The following ANO1 variants were observed in gnomAD, a reference collection of about 807,000 sequenced individuals.
ANO1 encodes the protein anoctamin 1, also known as anoctamin-1.
In ANO1, 59 loss-of-function variants were observed where a neutral mutation model predicts 124.0. The observed-to-expected ratio is 0.48, with a 90% confidence interval of 0.39 to 0.59. The LOEUF (loss-of-function observed/expected upper bound fraction) is 0.59, where lower values mean the gene tolerates loss of function less well. Among genes scored for constraint, ANO1 ranks in the 20% least tolerant of loss-of-function variants. The pLI, the probability that ANO1 is intolerant of heterozygous loss-of-function variation, is 0.00. For synonymous variants in ANO1, 529 were observed against 532.0 expected, an observed-to-expected ratio of 0.99 and a Z score of 0.08; for missense variants, 1,059 against 1,328.0, an observed-to-expected ratio of 0.80 and a Z score of 3.15.
the ANO1 span, among the ~76,000 whole-genome samples, chr11:69,967,826 CAG>C: frequency 6.6e-6 from 1 of 152,224 alleles, no homozygotes; most frequent in Non-Finnish European, 1.5e-5. Flanking sequence ...GCTGAGAATT[CAG>C]AGTCCTAGCC....
chr11:70,013,637 A>T (rs1271335989), intron 1 of ANO1, among the ~76,000 whole-genome samples: 11 of 150,444 alleles, frequency 7.3e-5, no homozygotes, highest in African/African-American at 2.5e-4. Flanking sequence ...AAAACAAAAC[A>T]AAACAAAACA....
Position 70,188,858 on chromosome 11 carries a change from G to C in ANO1, c.*854G>C, listed in dbSNP as rs1414600575. On this transcript the variant is annotated 3_prime_UTR_variant, in exon 26 of 26. Transcript: ENST00000355303. ...TCAAGAAGTCTTAGGGCTTCCAGGG[G>C]TCCCCTGGAAGCTTTAGAATATTTA... 7.0e-6 allele frequency: 1 copy of C among 142,096 alleles called. No individual in the cohort carries two copies. Among genetic ancestry groups the C allele is most frequent in the African/African-American group, 2.6e-5 (1 of 38,164 alleles). The allele number at this position is 142,096 out of a possible 1,614,324, so 8.8% of individuals were successfully genotyped here.
At chr11:70,129,101 G>A (rs907315365) in intron 10 of ANO1, among the ~76,000 whole-genome samples, 2 of 152,200 alleles carry the variant, frequency 1.3e-5, no homozygotes, top group East Asian at 1.9e-4. Context: ...CCCCCAAAAC[G>A]CTGCTTTCTT....
At chr11:70,017,690 T>C (rs1591037038) in intron 1 of ANO1, among the ~76,000 whole-genome samples, 1 of 152,020 alleles carries the variant, frequency 6.6e-6, no homozygotes, top group Middle Eastern at 3.4e-3. Context: ...AATTTTTAAA[T>C]TATTTTTGTG....
chr11:70,059,351 A>G (rs1201738298), intron 1 of ANO1, among the ~76,000 whole-genome samples: 2 of 150,692 alleles, frequency 1.3e-5, no homozygotes, highest in Non-Finnish European at 3.0e-5. Flanking sequence ...ACACTGTCAA[A>G]AAAAAAAAAA....
At chr11:69,991,719 G>T (rs572736165) in intron 1 of ANO1, among the ~76,000 whole-genome samples, 114 of 152,348 alleles carry the variant, frequency 7.5e-4, no homozygotes, top group African/African-American at 2.6e-3. Context: ...TACCAGAAAT[G>T]AGGGATACAG....
intron 16 of ANO1, among the ~76,000 whole-genome samples, chr11:70,157,637 A>G (rs2047872002): frequency 6.6e-6 from 1 of 152,228 alleles, no homozygotes; most frequent in South Asian, 2.1e-4. Flanking sequence ...TTGAGTATCT[A>G]GTAATTCAAG....
intron 1 of ANO1, among the ~76,000 whole-genome samples, chr11:70,040,660 G>C (rs373301837): frequency 2.0e-4 from 31 of 152,294 alleles, no homozygotes; most frequent in African/African-American, 7.2e-4. Context: ...GGGTGACAGA[G>C]CGAGACTCTG....
rs1194519844 is a variant in ANO1, at chr11:70,006,641, CTTCT to C, written c.58+20489_58+20492del. On this transcript the variant is annotated intron_variant, in intron 1 of 27. Coordinates refer to the ANO1 transcript ENST00000531349. The stretch of plus-strand genomic sequence containing the variant: ...TCTTTCTTTCTTCTTTCTTTTCTTT[CTTCT>C]TTCTTTCTTTCTTCTTTCTTTTTTT... Among the ~76,000 whole-genome samples the C allele has an allele frequency of 5.7e-3, 697 of 122,374 alleles. 5 individuals carry two copies. Among genetic ancestry groups the C allele is most frequent in the African/African-American group, 0.018 (590 of 33,228 alleles). The allele number at this position is 122,374 out of a possible 152,430, so 80.3% of individuals were successfully genotyped here.
intron 24 of ANO1, among the ~76,000 whole-genome samples, chr11:70,183,079 A>G (rs943025352): frequency 6.6e-6 from 1 of 152,222 alleles, no homozygotes; most frequent in Non-Finnish European, 1.5e-5. Context: ...ACTGCACTCC[A>G]GCCTGGGCAA....
chr11:70,153,683 T>C (rs750949958), intron 14 of ANO1, among the ~76,000 whole-genome samples: 5 of 152,220 alleles, frequency 3.3e-5, no homozygotes. Context: ...TTTCCCCAAA[T>C]GTCTCATTCA....
rs1466745558 is a variant in ANO1, at chr11:70,146,586, G to A, written c.1259-3124G>A. The stretch of plus-strand genomic sequence containing the variant: ...TACATATGAAAGGGAGTTTATTCAG[G>A]AGAATCGACTACTCACATGATCACA... On this transcript the variant is annotated intron_variant, in intron 11 of 25. Transcript: ENST00000355303. Among the ~76,000 whole-genome samples, 7 of 152,138 alleles carry A rather than the reference G, an allele frequency of 4.6e-5. No individual in the cohort carries two copies. The East Asian group carries it at 1.3e-3, about 29-fold the overall frequency.
intron 20 of ANO1, among the ~76,000 whole-genome samples, chr11:70,166,433 G>T (rs993478999): frequency 2.0e-5 from 3 of 152,216 alleles, no homozygotes; most frequent in African/African-American, 7.2e-5. Context: ...AGGATGGGGG[G>T]GTACCACCAG....
At chr11:70,091,739 G>A (rs551790934) in intron 2 of ANO1, among the ~76,000 whole-genome samples, 7 of 152,176 alleles carry the variant, frequency 4.6e-5, no homozygotes, top group Non-Finnish European at 8.8e-5. Flanking sequence ...TTCCTGGGGC[G>A]CCGGTGGGTG....
intron 13 of ANO1, among the ~76,000 whole-genome samples, chr11:70,152,825 G>A (rs2047659027): frequency 6.6e-6 from 1 of 152,264 alleles, no homozygotes; most frequent in Non-Finnish European, 1.5e-5. Flanking sequence ...ACAGAGGCCA[G>A]ATTCGGTGGC....
At chr11:69,984,010 C>T (rs1365669604), upstream of ANO1, among the ~76,000 whole-genome samples, 5 of 152,236 alleles carry the variant, frequency 3.3e-5, no homozygotes, top group Middle Eastern at 6.8e-3. Context: ...AGTCCCAGGA[C>T]GTATTTACAT....
intron 1 of ANO1, among the ~76,000 whole-genome samples, chr11:70,079,984 G>T (rs999000488): frequency 2.6e-5 from 4 of 152,226 alleles, no homozygotes; most frequent in Non-Finnish European, 5.9e-5. Context: ...TGACTCACAG[G>T]ACTGGCCGGA....
intron 1 of ANO1, among the ~76,000 whole-genome samples, chr11:70,014,357 GAGC>G (rs1856662181): frequency 6.9e-6 from 1 of 145,246 alleles, no homozygotes; most frequent in South Asian, 2.2e-4. Flanking sequence ...CAACACCATA[GAGC>G]AGTTTTGCCT....
intron 1 of ANO1, among the ~76,000 whole-genome samples, chr11:70,051,710 T>A (rs1857351913): frequency 6.6e-6 from 1 of 152,268 alleles, no homozygotes. Flanking sequence ...TTTGAGGAAG[T>A]GCTCATGCAA....
Sources: allele counts gnomAD v4.1 joint callset (sites outside exome capture counted in the v4.1 genomes callset), GRCh38; gene constraint gnomAD v4.1.1; transcripts MANE v1.5; gene names NCBI Gene and HGNC (gene_info 2026-07-23, HGNC 2026-07-21).